QSOX2: variants seen among roughly 807,000 people sequenced by gnomAD.
QSOX2 encodes quiescin sulfhydryl oxidase 2.
Under a neutral mutation model 61.7 loss-of-function variants are expected in QSOX2, and 46 were observed. The observed-to-expected ratio is 0.75, with a 90% CI of 0.59 to 0.95. The LOEUF is 0.95. Ranked by LOEUF, QSOX2 falls within the 40% of genes least tolerant of loss-of-function variation. QSOX2 has a pLI of 0.00. For synonymous variants in QSOX2, 383 were observed against 388.4 expected (o/e 0.99, Z 0.16); for missense variants, 879 against 918.9 (o/e 0.96, Z 0.56).
At chr9:136,240,529 T>C (rs1265018502) in intron 1 of QSOX2, among the ~76,000 whole-genome samples, 1 of 152,218 alleles carries the variant, frequency 6.6e-6, no homozygotes, top group African/African-American at 2.4e-5. Flanking sequence ...GAACTCCGCA[T>C]ACCAGTCCCT....
At position 136,245,575 on chromosome 9, in the gene QSOX2, T is replaced by C. The variant is rs1229432614; in HGVS notation, c.229A>G (p.Asn77Asp). Reference protein sequence around the residue: ...DSGSVRGATANSSAAWLVQFY... With the variant: ...DSGSVRGATADSSAAWLVQFY... ...TGCACGAGCCACGCGGCCGAGCTGT[T>C]GGCGGTGGCCCCGCGCACGCTGCCG... The change falls in exon 1 of 12, where the codon AAC becomes GAC. Residue 77 changes from asparagine to aspartate, a missense_variant. Physicochemically the swap from Asn to Asp is conservative, Grantham distance 23. Transcript: ENST00000358701. 1.1e-5 allele frequency: 17 copies of C among 1,578,872 alleles called. No individual in the cohort carries two copies. Among genetic ancestry groups the C allele is most frequent in the African/African-American group, 2.8e-5 (2 of 71,346 alleles).
Position 136,245,796 on chromosome 9 carries a change from G to T in QSOX2, c.8C>A (p.Ala3Glu). The change falls in exon 1 of 12, where the codon GCG becomes GAG. Residue 3 changes from alanine to glutamate, a missense_variant. Coordinates refer to ENST00000358701, the MANE Select transcript of QSOX2 (RefSeq NM_181701.4). MA[A>E]AGAAVARSPG... is the part of the protein sequence containing the mutation. Reference sequence around the variant, plus strand: ...GCTGCGCGCCACCGCCGCCCCGGCCGCCGCCATGTTGGAAGTGCCGCCGGC... The same window carrying T: ...GCTGCGCGCCACCGCCGCCCCGGCCTCCGCCATGTTGGAAGTGCCGCCGGC... 1 of 1,154,586 alleles carries T rather than the reference G, an allele frequency of 8.7e-7. No homozygotes were observed. Among genetic ancestry groups the T allele is most frequent in the South Asian group, 4.2e-5 (1 of 24,006 alleles). 71.5% of individuals were successfully genotyped at this position (1,154,586 alleles called of 1,614,324 possible).
intron 1 of QSOX2, among the ~76,000 whole-genome samples, chr9:136,239,503 T>G (rs1349919809): frequency 6.6e-6 from 1 of 152,242 alleles, no homozygotes; most frequent in Admixed American, 6.5e-5. Flanking sequence ...CTTCCTCAGG[T>G]GGGGACCTCC....
In QSOX2 at chr9:136,215,222, G is replaced by A. The variant is rs145333884; in HGVS notation, c.1292C>T (p.Ser431Phe). The stretch of plus-strand genomic sequence containing the variant: ...CAAAGTGTGGAACAGTTTCCAGAGA[G>A]AACACGGGTAACCCCTCAACTCAGA... The part of the protein sequence containing the change: ...SRSELRGYPC[S>F]LWKLFHTLTV... The change falls in exon 10 of 12, where the codon TCT becomes TTT. Residue 431 changes from serine to phenylalanine, a missense_variant. Ser to Phe is a radical substitution (Grantham distance 155, BLOSUM62 -2). Transcript: ENST00000358701. 6.2e-7 allele frequency: 1 copy of A among 1,614,104 alleles called. No homozygotes were observed. Among genetic ancestry groups the A allele is most frequent in the Non-Finnish European group, 8.5e-7 (1 of 1,180,028 alleles).
At position 136,245,755 on chromosome 9, in the gene QSOX2, C is replaced by T. The variant is rs1279526463; in HGVS notation, c.49G>A (p.Gly17Arg). 2 of 1,155,216 alleles carry T rather than the reference C, an allele frequency of 1.7e-6. No homozygotes were observed. The highest frequency in any genetic ancestry group is 2.1e-6 in the Non-Finnish European group (2 of 936,500). 71.6% of individuals were successfully genotyped at this position (1,155,216 alleles called of 1,614,324 possible). Residue 17 changes from glycine to arginine, a missense_variant, in exon 1 of 12, where the codon GGA becomes AGA. Gly to Arg is a moderately radical substitution (Grantham distance 125). Transcript: ENST00000358701. ...GAGCGCCGGGCTCTCAGCGCAGGTC[C>T]CGCTCCGATTCCCGGGCTGCGCGCC... ...AVARSPGIGA[G>R]PALRARRSPP... is the part of the protein sequence containing the mutation.
chr9:136,219,481 T>A (rs1240136556), intron 6 of QSOX2, among the ~76,000 whole-genome samples: 1 of 152,260 alleles, frequency 6.6e-6, no homozygotes, highest in Admixed American at 6.5e-5. Flanking sequence ...ATGAGCTTTA[T>A]TCTGACTGCG....
chr9:136,245,421 C>T, intron 1 of QSOX2, 55 bp downstream of exon 1: 1 of 1,487,096 alleles, frequency 6.7e-7, no homozygotes, highest in Non-Finnish European at 9.0e-7. Flanking sequence ...GCAAGGGGTC[C>T]CGGAAGGCCG....
intron 1 of QSOX2, among the ~76,000 whole-genome samples, chr9:136,241,013 A>G (rs1300423190): frequency 1.3e-5 from 2 of 151,950 alleles, no homozygotes; most frequent in Non-Finnish European, 2.9e-5. Context: ...CGTGGCTGTA[A>G]GGCCCTCTTA....
intron 1 of QSOX2, among the ~76,000 whole-genome samples, chr9:136,243,390 T>C (rs1830447679): frequency 6.6e-6 from 1 of 152,212 alleles, no homozygotes; most frequent in Non-Finnish European, 1.5e-5. Context: ...TTCATCTACT[T>C]AACCTTGGCC....
At position 136,219,711 on chromosome 9, in the gene QSOX2, A is replaced by G. The variant is rs150166711; in HGVS notation, c.822-547T>C. Among the ~76,000 whole-genome samples the G allele has an allele frequency of 3.3e-3, 498 of 152,356 alleles. 2 individuals carry two copies. Among genetic ancestry groups the G allele is most frequent in the African/African-American group, 0.011 (458 of 41,588 alleles). On this transcript the variant is annotated intron_variant, in intron 6 of 11. Transcript: ENST00000358701. ...GAGCTGCCTTCTGAGGACACCCTCA[A>G]TGCCATTATTGAGCACTTCAGTGTG...
intron 1 of QSOX2, among the ~76,000 whole-genome samples, chr9:136,236,999 G>A (rs1830389844): frequency 6.8e-6 from 1 of 146,522 alleles, no homozygotes; most frequent in African/African-American, 2.6e-5. Context: ...GGCGTCACCT[G>A]GAGCCCGTCC....
chr9:136,218,906 G>T, intron 7 of QSOX2, 98 bp from the exon 8 acceptor site: 1 of 1,570,232 alleles, frequency 6.4e-7, no homozygotes, highest in South Asian at 1.2e-5. Flanking sequence ...CAGGGCCCCT[G>T]GGAGGGCTCC....
At chr9:136,245,256 A>T (rs1554758345) in intron 1 of QSOX2, among the ~76,000 whole-genome samples, 1 of 152,190 alleles carries the variant, frequency 6.6e-6, no homozygotes, top group East Asian at 1.9e-4. Flanking sequence ...ACGGGGATTA[A>T]CTGGGAGAGA....
In QSOX2 at chr9:136,209,433, G is replaced by A. The variant is rs181389059; in HGVS notation, c.1550-158C>T. On this transcript the variant is annotated intron_variant, in intron 11 of 11. Transcript: ENST00000358701. This position sits in a 1 kb window ranked among gnomAD's most constrained non-coding sequence, Gnocchi z 5.6. ...TCCCTCCCTGCCCTTCCCACCACCC[G>A]TCCCTTGCAGTTCGGCCCAGATAAC... 7.1e-6 allele frequency: 7 copies of A among 985,286 alleles called. No homozygotes were observed. Among genetic ancestry groups the A allele is most frequent in the Admixed American group, 6.1e-5 (1 of 16,278 alleles). 61.0% of individuals were successfully genotyped at this position (985,286 alleles called of 1,614,324 possible). A position where few individuals can be genotyped will look rare whatever the true frequency, so the allele number is the denominator to read the frequency against.
chr9:136,242,150 C>T (rs958480706), intron 1 of QSOX2, among the ~76,000 whole-genome samples: 2 of 152,248 alleles, frequency 1.3e-5, no homozygotes, highest in South Asian at 4.1e-4. Flanking sequence ...GACACTTGGT[C>T]ACACCAAACA....
rs148092261 is a variant in QSOX2 at position 136,221,728 on chromosome 9, T to C, written c.821+68A>G. The C allele has an allele frequency of 1.9e-4, 276 of 1,489,142 alleles. 2 individuals are homozygous for C. In the African/African-American group the frequency reaches 3.6e-3, roughly 20 times the overall value. The allele number at this position is 1,489,142 out of a possible 1,614,324, so 92.2% of individuals were successfully genotyped here. A position where few individuals can be genotyped will look rare whatever the true frequency, so the allele number is the denominator to read the frequency against. On this transcript the variant is annotated intron_variant, in intron 6 of 11. Coordinates refer to ENST00000358701, the MANE Select transcript of QSOX2 (RefSeq NM_181701.4). This position sits in a 1 kb window ranked among gnomAD's most constrained non-coding sequence, Gnocchi z 4.5. ...CCGATCTCACACCAGACTTGCACTG[T>C]CTACTCGGAGCCTCTGTCCGGTAAC... is the stretch of plus-strand genomic sequence containing the variant.
At chr9:136,242,929 C>G (rs1460636144) in intron 1 of QSOX2, among the ~76,000 whole-genome samples, 1 of 152,222 alleles carries the variant, frequency 6.6e-6, no homozygotes, top group Admixed American at 6.5e-5. Context: ...TGAATTGAAC[C>G]CCCTCTTGGC....
At chr9:136,214,592 A>C (rs1831886532) in intron 10 of QSOX2, among the ~76,000 whole-genome samples, 1 of 152,168 alleles carries the variant, frequency 6.6e-6, no homozygotes, top group African/African-American at 2.4e-5. Context: ...TCTCTGCCCC[A>C]TGAGGGTGCT....
chr9:136,226,336 C>T (rs1485760013), intron 2 of QSOX2, among the ~76,000 whole-genome samples: 3 of 152,334 alleles, frequency 2.0e-5, no homozygotes, highest in Non-Finnish European at 4.4e-5. Context: ...CTGACTTTGG[C>T]TGGGGAAGGC....
Sources: gnomAD v4.1 joint callset for allele counts (sites outside exome capture counted in the v4.1 genomes callset) on GRCh38, gnomAD v4.1.1 for gene constraint, Gnocchi (gnomAD v3.1) non-coding constraint, MANE v1.5 for transcripts, NCBI Gene and HGNC (gene_info 2026-07-23, HGNC 2026-07-21) for gene names.